DAGLA: variants seen among roughly 807,000 people sequenced by gnomAD.
The protein encoded by DAGLA is diacylglycerol lipase-alpha.
A neutral mutation model predicts 102.6 loss-of-function variants in DAGLA; 22 were observed. The ratio of observed to expected loss-of-function variants is 0.21; its 90% CI spans 0.15 to 0.31. The LOEUF (loss-of-function observed/expected upper bound fraction) is 0.31, where lower values mean the gene tolerates loss of function less well. Ranked by LOEUF, DAGLA falls within the 10% of genes least tolerant of loss-of-function variation. The pLI, the probability that DAGLA is intolerant of heterozygous loss-of-function variation, is 1.00. For missense variants in DAGLA, 927 were observed against 1,446.6 expected, an observed-to-expected ratio of 0.64 and a Z score of 5.83; for synonymous variants, 578 against 628.9, an observed-to-expected ratio of 0.92 and a Z score of 1.21.
chr11:61,731,621 G>A (rs2065375927), intron 9 of DAGLA, among the ~76,000 whole-genome samples, 180 bp downstream of exon 9: 1 of 152,216 alleles, frequency 6.6e-6, no homozygotes, highest in Non-Finnish European at 1.5e-5. Flanking sequence ...AGGCTTCGGA[G>A]TCACACAGTT....
intron 1 of DAGLA, among the ~76,000 whole-genome samples, chr11:61,693,568 C>G (rs554201892): frequency 1.3e-5 from 2 of 152,092 alleles, no homozygotes; most frequent in Admixed American, 6.5e-5. Flanking sequence ...AGGCTGGTCT[C>G]GATCTCCTGA....
intron 6 of DAGLA, among the ~76,000 whole-genome samples, chr11:61,727,718 G>A (rs2135590213): frequency 1.3e-5 from 2 of 152,370 alleles, no homozygotes; most frequent in Middle Eastern, 6.8e-3. Context: ...GGCCTTACGA[G>A]GGACTTCCAA....
chr11:61,685,259 T>C (rs1198611422), intron 1 of DAGLA, among the ~76,000 whole-genome samples: 1 of 152,144 alleles, frequency 6.6e-6, no homozygotes, highest in Non-Finnish European at 1.5e-5. Context: ...TCCCAGGTAA[T>C]GCCTGGTGCG....
At chr11:61,693,613 C>T (rs1438896480) in intron 1 of DAGLA, among the ~76,000 whole-genome samples, 2 of 152,196 alleles carry the variant, frequency 1.3e-5, no homozygotes, top group African/African-American at 4.8e-5. Context: ...TCCCAAAGTG[C>T]TGGGATTACA....
chr11:61,737,078 AG>A (rs1310736947), intron 13 of DAGLA, 103 bp from the exon 14 acceptor site: 3 of 1,505,696 alleles, frequency 2.0e-6, no homozygotes, highest in Non-Finnish European at 2.7e-6. Flanking sequence ...ACAAGATCCC[AG>A]GACTCTGGGA....
At chr11:61,741,476 C>A in intron 19 of DAGLA, 127 bp downstream of exon 19, 1 of 1,068,160 alleles carries the variant, frequency 9.4e-7, no homozygotes. Flanking sequence ...AGGGGTCAAA[C>A]TCACCCTCTG....
rs545306512 is a variant in DAGLA, at chr11:61,737,356, G to A, written c.1514+32G>A. ...CATCTGGGGCTTCAGAGTTGGCTGG[G>A]GCAGTTGGGACCAGTGGAGGCTGAG... On this transcript the variant is annotated intron_variant, in intron 14 of 19. Transcript: ENST00000257215. 4.3e-4 allele frequency: 694 copies of A among 1,606,406 alleles called. 13 individuals carry two copies. In the South Asian group the frequency reaches 7.2e-3, roughly 17 times the overall value.
chr11:61,706,518 C>G (rs564014881), intron 1 of DAGLA, among the ~76,000 whole-genome samples: 55 of 152,222 alleles, frequency 3.6e-4, no homozygotes, highest in African/African-American at 1.1e-3. Flanking sequence ...GGGGTGGGCT[C>G]TAACCTGTGA....
chr11:61,699,780 G>A (rs951239419), intron 1 of DAGLA, among the ~76,000 whole-genome samples: 4 of 152,242 alleles, frequency 2.6e-5, no homozygotes, highest in African/African-American at 4.8e-5. Context: ...GGCAGCTGTG[G>A]GCAGGGCCAC....
At chr11:61,680,840 A>G (rs888181318) in intron 1 of DAGLA, among the ~76,000 whole-genome samples, 1 of 151,986 alleles carries the variant, frequency 6.6e-6, no homozygotes, top group African/African-American at 2.4e-5. Flanking sequence ...CAGGTAGGTG[A>G]TGGGCACGGC....
Position 61,722,900 on chromosome 11 carries a change from G to A in DAGLA, c.349G>A (p.Val117Ile), listed in dbSNP as rs187678839. 42 of 1,614,126 alleles carry A rather than the reference G, an allele frequency of 2.6e-5. No individual in the cohort carries two copies. Among genetic ancestry groups the A allele is most frequent in the South Asian group, 1.5e-4 (14 of 91,086 alleles). ...IEFIYAIVGI[V>I]WLTQYYTSCN... ...GTTCATCTACGCCATCGTGGGCATC[G>A]TCTGGCTCACTCAGTACTACACCTC... The change falls in exon 4 of 20, where the codon GTC becomes ATC. Residue 117 changes from valine (V) to isoleucine (I), a missense_variant. Val to Ile is a conservative substitution (Grantham distance 29, BLOSUM62 3). Around this residue, in one of 4 missense-constraint regions of DAGLA, gnomAD observed 231 missense variants for 439.8 expected, o/e 0.53. Coordinates refer to ENST00000257215, the MANE Select transcript of DAGLA (RefSeq NM_006133.3).
chr11:61,693,585 G>A (rs2065041566), intron 1 of DAGLA, among the ~76,000 whole-genome samples: 1 of 152,132 alleles, frequency 6.6e-6, no homozygotes, highest in Non-Finnish European at 1.5e-5. Flanking sequence ...CTGATCTTGT[G>A]GTCCGCCTCC....
chr11:61,720,246 A>G lies in DAGLA; in HGVS notation c.91A>G (p.Thr31Ala). The G allele has an allele frequency of 6.2e-7, 1 of 1,613,364 alleles. No homozygotes were observed. Among genetic ancestry groups the G allele is most frequent in the Middle Eastern group, 1.7e-4 (1 of 6,054 alleles). ...CATCTTCCTCTTTCTCCTGCATACC[A>G]CCTGGTGAGTCCCCAGGCCCGGGGC... is the stretch of plus-strand genomic sequence containing the variant. ...PAIFLFLLHT[T>A]WFVILSVVLF... Residue 31 changes from threonine (T) to alanine (A), a missense_variant, in exon 2 of 20, where the codon ACC (threonine) becomes GCC (alanine). Around this residue, in one of 4 missense-constraint regions of DAGLA, gnomAD observed 231 missense variants for 439.8 expected, o/e 0.53. Coordinates refer to ENST00000257215, the MANE Select transcript of DAGLA (RefSeq NM_006133.3).
chr11:61,722,872 C>T lies in DAGLA; in HGVS notation c.321C>T (p.Ile107=), dbSNP rs150315991. ...VLYVRLAILV[I]EFIYAIVGIV... The stretch of plus-strand genomic sequence containing the variant: ...CTCTCCTTGCAGCCATCCTGGTGAT[C>T]GAGTTCATCTACGCCATCGTGGGCA... Residue 107 remains isoleucine, a synonymous_variant, in exon 4 of 20, where the codon ATC becomes ATT. Transcript: ENST00000257215. 20 of 1,613,938 alleles carry T rather than the reference C, an allele frequency of 1.2e-5. No homozygotes were observed. Among genetic ancestry groups the T allele is most frequent in the East Asian group, 6.7e-5 (3 of 44,890 alleles).
At position 61,684,017 on chromosome 11, in the gene DAGLA, T is replaced by C. The variant is rs2064965712; in HGVS notation, c.-45+3513T>C. On this transcript the variant is annotated intron_variant, in intron 1 of 19. Transcript: ENST00000257215. The surrounding 1 kb of genome is among the most constrained non-coding windows in gnomAD (Gnocchi z 4.5). ...CAGCTGCCCCATAAATCACAGTGCC[T>C]GGCTGCTGTGCTTTAGGGGTGCCGG... 6.6e-6 allele frequency among the ~76,000 whole-genome samples: 1 copy of C among 152,224 alleles called. No individual in the cohort carries two copies. The highest frequency in any genetic ancestry group is 2.1e-4 in the South Asian group (1 of 4,832).
intron 1 of DAGLA, among the ~76,000 whole-genome samples, chr11:61,703,721 G>A (rs911602598): frequency 1.3e-5 from 2 of 152,122 alleles, no homozygotes; most frequent in African/African-American, 4.8e-5. Context: ...ATGGATGAAT[G>A]GATTGTAGGT....
At chr11:61,721,660 C>T (rs2065284054) in intron 3 of DAGLA, among the ~76,000 whole-genome samples, 1 of 152,212 alleles carries the variant, frequency 6.6e-6, no homozygotes, top group African/African-American at 2.4e-5. Context: ...GGAGTCTGGG[C>T]CAGCTCCCCA....
In DAGLA at chr11:61,720,670, C is replaced by T. The variant is rs1272501700; in HGVS notation, c.96-9C>T. On this transcript the variant is annotated splice_polypyrimidine_tract_variant and intron_variant, in intron 2 of 19. Transcript: ENST00000257215. ...CCTGGCCTTGCTCACACGGGCGTTC[C>T]TGTGACAGGTTTGTGATCCTGTCCG... 6.2e-7 allele frequency: 1 copy of T among 1,613,072 alleles called. No homozygotes were observed. Among genetic ancestry groups the T allele is most frequent in the Admixed American group, 1.7e-5 (1 of 60,024 alleles).
chr11:61,737,702 G>A lies in DAGLA; in HGVS notation c.1530G>A (p.Glu510=). The part of the protein sequence containing the change: ...PGGLLSEDAM[E]YSKEFVTAVV... ...TCCCTTGCAGTGAGGATGCGATGGA[G>A]TATTCCAAGGAGTTCGTGACTGCTG... Residue 510 remains glutamate (E), a synonymous_variant, in exon 15 of 20, where the codon GAG becomes GAA. Transcript: ENST00000257215. The A allele has an allele frequency of 1.2e-6, 2 of 1,614,082 alleles. No individual in the cohort carries two copies. Among genetic ancestry groups the A allele is most frequent in the Non-Finnish European group, 1.7e-6 (2 of 1,179,958 alleles).
Sources: gnomAD v4.1 joint callset for allele counts (sites outside exome capture counted in the v4.1 genomes callset) on GRCh38, gnomAD v4.1.1 for gene constraint, gnomAD v4.1.1 regional missense constraint, Gnocchi (gnomAD v3.1) non-coding constraint, MANE v1.5 for transcripts, NCBI Gene and HGNC (gene_info 2026-07-23, HGNC 2026-07-21) for gene names.